SHROOM4: variants seen among roughly 807,000 people sequenced by gnomAD.
SHROOM4 encodes the protein protein Shroom4.
Under a neutral mutation model 80.3 loss-of-function variants are expected in SHROOM4, and 17 were observed. That is an observed-to-expected ratio of 0.21 (90% CI 0.14 to 0.32). SHROOM4 has a LOEUF of 0.32. Among genes scored for constraint, SHROOM4 ranks in the 10% least tolerant of loss-of-function variants. SHROOM4 has a pLI of 1.00. For missense variants in SHROOM4, 993 were observed against 1,140.3 expected (o/e 0.87, Z 1.86); for synonymous variants, 400 against 437.5 (o/e 0.91, Z 1.07).
chrX:50,616,803 T>C (rs781802190), intron 5 of SHROOM4, among the ~76,000 whole-genome samples: 39 of 111,771 alleles, frequency 3.5e-4, no homozygotes, highest in Admixed American at 1.1e-3. Flanking sequence ...GGGAGTGCTA[T>C]GGTTTGGGGG....
At chrX:50,700,204 G>GT (rs1219398189) in intron 1 of SHROOM4, among the ~76,000 whole-genome samples, 3 of 112,135 alleles carry the variant, frequency 2.7e-5, no homozygotes, top group Non-Finnish European at 3.8e-5. Context: ...TGATGTGTTT[G>GT]TTTTTTTGTT....
chrX:50,650,643 C>G (rs1401275526), intron 2 of SHROOM4, among the ~76,000 whole-genome samples: 2 of 111,522 alleles, frequency 1.8e-5, no homozygotes, highest in African/African-American at 6.5e-5. Context: ...TAGGCGTGAG[C>G]CACCGCAACC....
intron 2 of SHROOM4, among the ~76,000 whole-genome samples, chrX:50,674,351 T>C (rs924423484): frequency 1.8e-5 from 2 of 111,639 alleles, no homozygotes; most frequent in African/African-American, 6.5e-5. Context: ...GTCAAGACTG[T>C]ATGGTATTGG....
At chrX:50,703,164 A>C (rs147452524) in intron 1 of SHROOM4, among the ~76,000 whole-genome samples, 6,093 of 111,586 alleles carry the variant, frequency 0.055, 439 homozygotes, top group African/African-American at 0.19. Context: ...AAAATAAAGA[A>C]CAACACTTTA....
chrX:50,748,631 C>T (rs1332400344), intron 1 of SHROOM4, among the ~76,000 whole-genome samples: 4 of 111,532 alleles, frequency 3.6e-5, no homozygotes, highest in Non-Finnish European at 7.5e-5. Context: ...TTAAGACTCC[C>T]GGGATGGCTT....
intron 1 of SHROOM4, among the ~76,000 whole-genome samples, chrX:50,709,293 C>T (rs1320426200): frequency 8.9e-6 from 1 of 112,294 alleles, no homozygotes; most frequent in Non-Finnish European, 1.9e-5. Context: ...CGAAGACTTG[C>T]TTTTGGCTCC....
Position 50,635,407 on chromosome X carries a change from C to G in SHROOM4, c.666G>C (p.Gly222=), listed in dbSNP as rs1262488067. ...ASTDCIMQGP[G]PTKAPSGRPN... ...GCCGGCCACTGGGGGCCTTAGTTGG[C>G]CCTGGGCCTTGCATGATGCAGTCTG... Residue 222 remains glycine (G), a synonymous_variant, in exon 4 of 9, where the codon GGG becomes GGC. Transcript: ENST00000376020. 6 of 1,205,117 alleles carry G rather than the reference C, an allele frequency of 5.0e-6. No homozygotes were observed. The East Asian group carries it at 1.8e-4, about 36-fold the overall frequency.
Position 50,634,385 on chromosome X carries a change from C to T in SHROOM4, c.1688G>A (p.Cys563Tyr), listed in dbSNP as rs1557255162. 4.1e-6 allele frequency: 5 copies of T among 1,209,122 alleles called. No homozygotes were observed. The highest frequency in any genetic ancestry group is 1.8e-5 in the African/African-American group (1 of 56,982). Residue 563 changes from cysteine (C) to tyrosine (Y), a missense_variant, in exon 4 of 9, where the codon TGC becomes TAC. By Grantham distance (194) the Cys-to-Tyr change is radical. Transcript: ENST00000376020. ...GEEGDSEPKECSRMGGRRSGG... is the reference protein window; with the variant it reads ...GEEGDSEPKEYSRMGGRRSGG... ...ACTTCGCCTACCACCCATCCGGCTG[C>T]ACTCCTTGGGCTCGCTGTCCCCTTC...
rs782458059 is a variant in SHROOM4 at position 50,716,108 on chromosome X, A to G, written c.118-20171T>C. Among the ~76,000 whole-genome samples the G allele has an allele frequency of 2.8e-5, 3 of 108,150 alleles. No individual in the cohort carries two copies. The East Asian group carries it at 8.8e-4, about 32-fold the overall frequency. The allele number at this position is 108,150 out of a possible 115,157, so 93.9% of individuals were successfully genotyped here. On this transcript the variant is annotated intron_variant, in intron 1 of 8. Transcript: ENST00000376020. ...TAGGTGAAATAAGCCAGGCACAGAA[A>G]GACAAATACTGCCTGATTTCACTCA...
intron 1 of SHROOM4, among the ~76,000 whole-genome samples, chrX:50,795,034 A>G (rs1371286625): frequency 2.2e-4 from 2 of 9,001 alleles, no homozygotes; most frequent in Non-Finnish European, 2.4e-3. Context: ...TATATCATAT[A>G]TATCTCATAT....
At chrX:50,791,821 A>T (rs1557271555) in intron 1 of SHROOM4, among the ~76,000 whole-genome samples, 1 of 110,342 alleles carries the variant, frequency 9.1e-6, no homozygotes, top group Non-Finnish European at 1.9e-5. Flanking sequence ...ATTTCAATTG[A>T]TATTGCAAAG....
At chrX:50,683,235 A>T (rs182658329) in intron 2 of SHROOM4, among the ~76,000 whole-genome samples, 1 of 111,612 alleles carries the variant, frequency 9.0e-6, no homozygotes, top group Non-Finnish European at 1.9e-5. Context: ...TGACGAATAC[A>T]TTGGAGAAAT....
At chrX:50,683,437 A>T (rs1932986999) in intron 2 of SHROOM4, among the ~76,000 whole-genome samples, 1 of 111,459 alleles carries the variant, frequency 9.0e-6, no homozygotes, top group African/African-American at 3.3e-5. Flanking sequence ...TTAAAAGATG[A>T]CTCTGGTTGC....
chrX:50,785,697 A>G (rs1293945572), intron 1 of SHROOM4, among the ~76,000 whole-genome samples: 2 of 111,396 alleles, frequency 1.8e-5, no homozygotes, highest in Admixed American at 1.9e-4. Context: ...GGCACAAGGA[A>G]ACTTTTGGGT....
intron 2 of SHROOM4, among the ~76,000 whole-genome samples, chrX:50,672,270 G>A (rs1249611375): frequency 2.7e-5 from 3 of 111,923 alleles, no homozygotes; most frequent in Non-Finnish European, 3.8e-5. Flanking sequence ...GTGACACAGA[G>A]ACATGAAGTG....
intron 1 of SHROOM4, among the ~76,000 whole-genome samples, chrX:50,791,577 C>CTTTT (rs782127144): frequency 1.0e-4 from 6 of 57,987 alleles, no homozygotes; most frequent in African/African-American, 3.6e-4. Context: ...CCATGCCTGA[C>CTTTT]TTTTTTTTTT....
chrX:50,800,619 C>T (rs782206655), intron 1 of SHROOM4, among the ~76,000 whole-genome samples: 2 of 111,251 alleles, frequency 1.8e-5, no homozygotes, highest in Non-Finnish European at 3.8e-5. Context: ...CTGGAAAGAA[C>T]ATCATGGTGA....
intron 2 of SHROOM4, among the ~76,000 whole-genome samples, chrX:50,692,980 T>A (rs782093004): frequency 1.8e-5 from 2 of 111,769 alleles, no homozygotes; most frequent in Non-Finnish European, 3.8e-5. Context: ...TGGGAGAAGA[T>A]GATGATGTGT....
chrX:50,734,809 T>C (rs1934447036), intron 1 of SHROOM4, among the ~76,000 whole-genome samples: 2 of 111,246 alleles, frequency 1.8e-5, no homozygotes, highest in Admixed American at 9.6e-5. Context: ...GTTTCCCCCA[T>C]ACTGTTCTCG....
Sources: allele counts gnomAD v4.1 joint callset (sites outside exome capture counted in the v4.1 genomes callset), GRCh38; gene constraint gnomAD v4.1.1; transcripts MANE v1.5; gene names NCBI Gene and HGNC (gene_info 2026-07-23, HGNC 2026-07-21).